The following ENOX1 variants were observed in gnomAD, a reference collection of about 807,000 sequenced individuals.
ENOX1 encodes candidate growth-related and time keeping constitutive hydroquinone (NADH) oxidase.
ENOX1 carries 42 observed loss-of-function variants against 82.5 expected under a neutral mutation model. That is an observed-to-expected ratio of 0.51 (90% CI 0.40 to 0.66). The LOEUF is 0.66. Among genes scored for constraint, ENOX1 ranks in the 30% least tolerant of loss-of-function variants. ENOX1 has a pLI of 0.00. For missense variants in ENOX1, 608 were observed against 811.6 expected, an observed-to-expected ratio of 0.75 and a Z score of 3.05; for synonymous variants, 271 against 282.2, an observed-to-expected ratio of 0.96 and a Z score of 0.40.
chr13:43,531,269 T>C (rs2078199973), intron 2 of ENOX1, among the ~76,000 whole-genome samples: 1 of 151,974 alleles, frequency 6.6e-6, no homozygotes, highest in Non-Finnish European at 1.5e-5. Context: ...GTGAAGGATA[T>C]GAATAGACAC....
At chr13:43,684,298 CTG>C in intron 1 of ENOX1, among the ~76,000 whole-genome samples, 1 of 152,188 alleles carries the variant, frequency 6.6e-6, no homozygotes, top group East Asian at 1.9e-4. Flanking sequence ...AAGTTCTTGA[CTG>C]TGTGGTAGAC....
At chr13:43,454,383 G>A (rs551195777) in intron 3 of ENOX1, among the ~76,000 whole-genome samples, 3 of 151,928 alleles carry the variant, frequency 2.0e-5, no homozygotes, top group South Asian at 2.1e-4. Flanking sequence ...CTTGTCCAGC[G>A]CAGGAAAACT....
chr13:43,318,103 C>A (rs1197554628), intron 11 of ENOX1, among the ~76,000 whole-genome samples: 4 of 152,074 alleles, frequency 2.6e-5, no homozygotes, highest in Non-Finnish European at 5.9e-5. Context: ...GTGTCTGCTC[C>A]TATAAGGAGC....
chr13:43,617,613 C>G (rs1199366604), intron 2 of ENOX1, among the ~76,000 whole-genome samples: 1 of 152,114 alleles, frequency 6.6e-6, no homozygotes, highest in African/African-American at 2.4e-5. Context: ...GTTTCTTTAT[C>G]CACTTGTTGA....
chr13:43,637,304 A>G (rs1026938194), intron 2 of ENOX1, among the ~76,000 whole-genome samples: 5 of 152,176 alleles, frequency 3.3e-5, no homozygotes, highest in African/African-American at 1.2e-4. Context: ...TGTTTTTATT[A>G]ATCTATTAAG....
chr13:43,627,038 T>C (rs2082994839), intron 2 of ENOX1, among the ~76,000 whole-genome samples: 1 of 152,024 alleles, frequency 6.6e-6, no homozygotes, highest in African/African-American at 2.4e-5. Context: ...CATTATATTA[T>C]GTCCAGCTCT....
intron 2 of ENOX1, among the ~76,000 whole-genome samples, chr13:43,632,666 C>T (rs539699069): frequency 2.6e-5 from 4 of 152,004 alleles, no homozygotes; most frequent in Non-Finnish European, 5.9e-5. Flanking sequence ...AGGTTGGTCT[C>T]GAACTCTTGA....
intron 5 of ENOX1, among the ~76,000 whole-genome samples, chr13:43,406,816 T>C (rs1202224391): frequency 6.6e-6 from 1 of 152,090 alleles, no homozygotes; most frequent in Admixed American, 6.5e-5. Context: ...TTTTGGAACA[T>C]GTGTTTAAAA....
intron 5 of ENOX1, among the ~76,000 whole-genome samples, chr13:43,405,102 G>A (rs2053716569): frequency 6.6e-6 from 1 of 151,768 alleles, no homozygotes; most frequent in Admixed American, 6.6e-5. Context: ...AAGCATGTGG[G>A]GTGGTTTATC....
chr13:43,356,923 G>A (rs2050195856), intron 7 of ENOX1, among the ~76,000 whole-genome samples: 1 of 152,002 alleles, frequency 6.6e-6, no homozygotes, highest in African/African-American at 2.4e-5. Flanking sequence ...CAAGAGCCCA[G>A]AGCTAGACAA....
In ENOX1 at chr13:43,678,325, G is replaced by A. The variant is rs1235402027; in HGVS notation, c.-284-10781C>T. Among the ~76,000 whole-genome samples, 5 of 152,182 alleles carry A rather than the reference G, an allele frequency of 3.3e-5. No individual in the cohort carries two copies. The South Asian group carries it at 6.2e-4, about 19-fold the overall frequency. The stretch of plus-strand genomic sequence containing the variant: ...TTAAACTAATGGTACTTAGTCTACA[G>A]GCTAATTTTTAAAAACTATCACATC... On this transcript the variant is annotated intron_variant, in intron 1 of 16. Transcript: ENST00000690772.
chr13:43,350,249 C>A (rs2049685235), intron 8 of ENOX1, among the ~76,000 whole-genome samples: 1 of 152,140 alleles, frequency 6.6e-6, no homozygotes, highest in South Asian at 2.1e-4. Flanking sequence ...TAAATAAAAT[C>A]ATTGGCACAT....
chr13:43,456,516 T>C (rs2057237223), intron 3 of ENOX1, among the ~76,000 whole-genome samples: 1 of 152,148 alleles, frequency 6.6e-6, no homozygotes, highest in Non-Finnish European at 1.5e-5. Context: ...ACTCTGCCAA[T>C]CAGTCATTTT....
intron 1 of ENOX1, among the ~76,000 whole-genome samples, chr13:43,770,881 C>T (rs1443954174): frequency 6.6e-6 from 1 of 152,026 alleles, no homozygotes; most frequent in Non-Finnish European, 1.5e-5. Context: ...TAGCTATTTA[C>T]TGATTCTGTC....
At chr13:43,739,244 T>C (rs1488407546) in intron 1 of ENOX1, among the ~76,000 whole-genome samples, 1 of 152,136 alleles carries the variant, frequency 6.6e-6, no homozygotes, top group East Asian at 1.9e-4. Flanking sequence ...AACACAATGT[T>C]ATCAATTAAT....
chr13:43,515,581 T>C lies in ENOX1; in HGVS notation c.-218-31429A>G, dbSNP rs575493372. ...GTAGATAATAGTATTACAATACTCA[T>C]GTTATAGATAAGGAGACTTAGGCAC... On this transcript the variant is annotated intron_variant, in intron 2 of 16. Coordinates refer to ENST00000690772, the MANE Select transcript of ENOX1 (RefSeq NM_001347969.2). 4.6e-5 allele frequency among the ~76,000 whole-genome samples: 7 copies of C among 152,276 alleles called. No homozygotes were observed. In the South Asian group the frequency reaches 1.2e-3, roughly 27 times the overall value.
At chr13:43,670,444 A>G (rs940185011) in intron 1 of ENOX1, among the ~76,000 whole-genome samples, 1 of 152,216 alleles carries the variant, frequency 6.6e-6, no homozygotes, top group East Asian at 1.9e-4. Flanking sequence ...GATACCATAT[A>G]TGCCCCTGAA....
chr13:43,739,837 C>T (rs763452825), intron 1 of ENOX1, among the ~76,000 whole-genome samples: 3 of 151,954 alleles, frequency 2.0e-5, no homozygotes, highest in South Asian at 2.1e-4. Flanking sequence ...CTCTGCCACC[C>T]GAAACAGCAA....
intron 2 of ENOX1, chr13:43,547,686 CTGAGT>C (rs1051612423): frequency 2.0e-5 from 3 of 152,190 alleles, no homozygotes; most frequent in East Asian, 1.9e-4. Flanking sequence ...AATGAGTAGT[CTGAGT>C]TAACAATAGT....
Sources: gnomAD v4.1 joint callset for allele counts (sites outside exome capture counted in the v4.1 genomes callset) on GRCh38, gnomAD v4.1.1 for gene constraint, MANE v1.5 for transcripts, NCBI Gene and HGNC (gene_info 2026-07-23, HGNC 2026-07-21) for gene names.